RSF1: variants seen among roughly 807,000 people sequenced by gnomAD.
RSF1 encodes remodeling and spacing factor 1.
RSF1 carries 13 observed loss-of-function variants against 145.2 expected under a neutral mutation model. That is an observed-to-expected ratio of 0.09 (90% CI 0.06 to 0.14). RSF1 has a LOEUF of 0.14. Among genes scored for constraint, RSF1 ranks in the 10% least tolerant of loss-of-function variants. The pLI, the probability that RSF1 is intolerant of heterozygous loss-of-function variation, is 1.00. For synonymous variants in RSF1, 577 were observed against 592.6 expected, an observed-to-expected ratio of 0.97 and a Z score of 0.38; for missense variants, 1,517 against 1,718.2, an observed-to-expected ratio of 0.88 and a Z score of 2.07.
intron 11 of RSF1, among the ~76,000 whole-genome samples, chr11:77,683,421 A>G (rs2135827369): frequency 6.7e-6 from 1 of 149,310 alleles, no homozygotes. Context: ...TTATATGACT[A>G]GGCCGGGCGC....
chr11:77,854,756 G>A, the RSF1 span, among the ~76,000 whole-genome samples: 1 of 152,208 alleles, frequency 6.6e-6, no homozygotes. Context: ...CTGGAGGATG[G>A]TGGCCCTCTT....
intron 2 of RSF1, chr11:77,762,500 GCCTCCA>G (rs1028192576): frequency 1.3e-4 from 20 of 152,246 alleles, no homozygotes; most frequent in African/African-American, 4.8e-4. Context: ...TGACTGTTAG[GCCTCCA>G]CTCACTGTCA....
chr11:77,710,589 G>T (rs1021352186), intron 5 of RSF1, among the ~76,000 whole-genome samples: 3 of 152,084 alleles, frequency 2.0e-5, no homozygotes, highest in African/African-American at 7.2e-5. Context: ...AACATATTCA[G>T]GTTCAATTTC....
intron 1 of RSF1, among the ~76,000 whole-genome samples, chr11:77,775,082 C>T (rs188095481): frequency 6.6e-6 from 1 of 151,398 alleles, no homozygotes; most frequent in Admixed American, 6.6e-5. Flanking sequence ...CCTGTTTCTA[C>T]TAAAAATACA....
chr11:77,780,239 A>G (rs1948389183), intron 1 of RSF1, among the ~76,000 whole-genome samples: 1 of 152,220 alleles, frequency 6.6e-6, no homozygotes, highest in Non-Finnish European at 1.5e-5. Context: ...TTTGATAAAC[A>G]TCAACTTCTA....
At chr11:77,812,884 CAAA>C (rs71046910) in intron 1 of RSF1, among the ~76,000 whole-genome samples, 144 of 110,538 alleles carry the variant, frequency 1.3e-3, no homozygotes, top group Middle Eastern at 4.7e-3. Flanking sequence ...AGCTCCATCT[CAAA>C]AAAAAAAAAA....
At chr11:77,832,701 A>G in the RSF1 span, among the ~76,000 whole-genome samples, 5 of 151,604 alleles carry the variant, frequency 3.3e-5, no homozygotes, top group East Asian at 1.9e-4. Flanking sequence ...TTTTAAGAAA[A>G]AAAAAAAAAA....
At chr11:77,813,071 C>T (rs1369567475) in intron 1 of RSF1, among the ~76,000 whole-genome samples, 1 of 152,084 alleles carries the variant, frequency 6.6e-6, no homozygotes, top group Non-Finnish European at 1.5e-5. Context: ...TTCCCCACCA[C>T]CTCATCCCTG....
At chr11:77,683,339 A>C (rs550936253) in intron 11 of RSF1, among the ~76,000 whole-genome samples, 26 of 152,234 alleles carry the variant, frequency 1.7e-4, no homozygotes, top group African/African-American at 6.3e-4. Flanking sequence ...TGGAAATCTG[A>C]TAAAGTATGT....
At chr11:77,750,837 A>C (rs1015018448) in intron 2 of RSF1, among the ~76,000 whole-genome samples, 1 of 152,222 alleles carries the variant, frequency 6.6e-6, no homozygotes, top group African/African-American at 2.4e-5. Flanking sequence ...ATTCTATAAT[A>C]CTTGTTCTTT....
chr11:77,746,741 C>A (rs1948006486), intron 3 of RSF1, among the ~76,000 whole-genome samples: 1 of 152,172 alleles, frequency 6.6e-6, no homozygotes, highest in African/African-American at 2.4e-5. Context: ...AAATTATCCA[C>A]AGTTTACAGT....
chr11:77,822,938 G>C (rs1049658054), upstream of RSF1, among the ~76,000 whole-genome samples: 2 of 152,092 alleles, frequency 1.3e-5, no homozygotes, highest in Non-Finnish European at 2.9e-5. Flanking sequence ...AAAATCCGCC[G>C]GGCGCTGTGG....
At chr11:77,725,189 A>G (rs1047452674) in intron 5 of RSF1, among the ~76,000 whole-genome samples, 1 of 152,196 alleles carries the variant, frequency 6.6e-6, no homozygotes, top group African/African-American at 2.4e-5. Context: ...ATATGAATGT[A>G]CTTAATGCCA....
the RSF1 span, chr11:77,842,549 G>T: frequency 6.2e-7 from 1 of 1,613,882 alleles, no homozygotes; most frequent in African/African-American, 1.3e-5. Context: ...AAAGTAAAAG[G>T]CTCTAATACA....
chr11:77,754,213 T>C (rs1031602616), intron 2 of RSF1, among the ~76,000 whole-genome samples: 3 of 152,014 alleles, frequency 2.0e-5, no homozygotes, highest in Non-Finnish European at 4.4e-5. Context: ...TATCAAGCAC[T>C]AAAAATAATA....
upstream of RSF1, among the ~76,000 whole-genome samples, chr11:77,822,696 G>A (rs1294744361): frequency 1.3e-5 from 2 of 152,092 alleles, no homozygotes; most frequent in African/African-American, 2.4e-5. Flanking sequence ...GCCTTGAATA[G>A]TGATTCATAG....
the RSF1 span, chr11:77,842,411 C>T: frequency 2.1e-6 from 3 of 1,414,050 alleles, no homozygotes; most frequent in South Asian, 2.6e-5. Flanking sequence ...GGCTTAGTAT[C>T]ACTGTATTTT....
chr11:77,821,747 T>C (rs768317549), upstream of RSF1, among the ~76,000 whole-genome samples: 5 of 152,016 alleles, frequency 3.3e-5, no homozygotes, highest in Admixed American at 6.6e-5. Context: ...CAGTGAACAT[T>C]CCCACAAAGA....
chr11:77,837,620 G>A, the RSF1 span, among the ~76,000 whole-genome samples: 26 of 152,062 alleles, frequency 1.7e-4, 1 homozygote, highest in Non-Finnish European at 2.9e-5. Flanking sequence ...ATTTTTAGTA[G>A]AGACAGGGTT....
Sources: gnomAD v4.1 joint callset for allele counts (sites outside exome capture counted in the v4.1 genomes callset) on GRCh38, gnomAD v4.1.1 for gene constraint, MANE v1.5 for transcripts, NCBI Gene and HGNC (gene_info 2026-07-23, HGNC 2026-07-21) for gene names.